The following SETDB1 variants were observed in gnomAD, a reference collection of about 807,000 sequenced individuals.
SETDB1 encodes SET domain bifurcated histone lysine methyltransferase 1, also known as histone-lysine N-methyltransferase SETDB1.
A neutral mutation model predicts 137.4 loss-of-function variants in SETDB1; 31 were observed. That is an observed-to-expected ratio of 0.23 (90% CI 0.17 to 0.30). The LOEUF is 0.30. Ranked by LOEUF, SETDB1 falls within the 10% of genes least tolerant of loss-of-function variation. The pLI is 1.00. For missense variants in SETDB1, 1,113 were observed against 1,631.5 expected, an observed-to-expected ratio of 0.68 and a Z score of 5.47; for synonymous variants, 548 against 579.9, an observed-to-expected ratio of 0.95 and a Z score of 0.79.
rs748786521 is a variant in SETDB1, at chr1:150,944,956, C to T, written c.988C>T (p.Arg330Cys). The T allele has an allele frequency of 1.9e-6, 3 of 1,613,880 alleles. No homozygotes were observed. Among genetic ancestry groups the T allele is most frequent in the Non-Finnish European group, 2.5e-6 (3 of 1,179,924 alleles). ...TWEDIEDISC[R>C]DFIEEYVTAY... ...GGAGGACATAGAAGACATCTCCTGCCGTGACTTCATAGAGGAGTATGTCAC... is the reference window on the plus strand; with the variant it reads ...GGAGGACATAGAAGACATCTCCTGCTGTGACTTCATAGAGGAGTATGTCAC... Residue 330 changes from arginine to cysteine, a missense_variant, in exon 9 of 22, where the codon CGT (arginine) becomes TGT (cysteine). Physicochemically the swap from Arg to Cys is radical, Grantham distance 180 (BLOSUM62 -3). This residue lies in a region of SETDB1 where 154 missense variants were observed against 303.1 expected (regional missense o/e 0.51). Transcript: ENST00000692827.
At position 150,964,540 on chromosome 1, in the gene SETDB1, A is replaced by C; in HGVS notation, c.*176A>C. 1.4e-6 allele frequency: 1 copy of C among 705,500 alleles called. No individual in the cohort carries two copies. The highest frequency in any genetic ancestry group is 1.7e-5 in the African/African-American group (1 of 57,308). 43.7% of individuals were successfully genotyped at this position (705,500 alleles called of 1,614,324 possible). On this transcript the variant is annotated 3_prime_UTR_variant, in exon 22 of 22. Transcript: ENST00000692827. ...TTCCAATGTGGTGCTAGCAGGCAGGATCCCTTCTCCACCTCCAAAGGCCCT... is the reference window on the plus strand; with the variant it reads ...TTCCAATGTGGTGCTAGCAGGCAGGCTCCCTTCTCCACCTCCAAAGGCCCT...
chr1:150,938,978 C>T (rs1408321693), intron 3 of SETDB1, among the ~76,000 whole-genome samples: 1 of 152,094 alleles, frequency 6.6e-6, no homozygotes, highest in African/African-American at 2.4e-5. Context: ...TCTTACGCTG[C>T]ACCAAGCTGG....
chr1:150,944,084 T>C, intron 8 of SETDB1, 91 bp downstream of exon 8: 1 of 931,154 alleles, frequency 1.1e-6, no homozygotes. Context: ...CTAGTGTTTT[T>C]GGTATTTCAG....
intron 12 of SETDB1, among the ~76,000 whole-genome samples, chr1:150,950,020 G>A (rs897170793): frequency 2.0e-5 from 3 of 152,126 alleles, no homozygotes; most frequent in African/African-American, 7.2e-5. Flanking sequence ...GATCACCTGA[G>A]GTCGGGAGTT....
Position 150,929,992 on chromosome 1 carries a change from G to A in SETDB1, c.286G>A (p.Val96Met). The A allele has an allele frequency of 6.2e-7, 1 of 1,613,800 alleles. No individual in the cohort carries two copies. The highest frequency in any genetic ancestry group is 8.5e-7 in the Non-Finnish European group (1 of 1,179,886). The change falls in exon 3 of 22, where the codon GTG becomes ATG. Residue 96 changes from valine to methionine, a missense_variant. Physicochemically the swap from Val to Met is conservative, Grantham distance 21. Around this residue, in one of 11 missense-constraint regions of SETDB1, gnomAD observed 159 missense variants for 188.6 expected, o/e 0.84. Coordinates refer to ENST00000692827, the MANE Select transcript of SETDB1 (RefSeq NM_001366418.1). ...GGCAGTGACTAATTGTGAGTCTTTG[G>A]TGAAGGACTTCTACTCCAAGCTGGG... ...SRAVTNCESL[V>M]KDFYSKLGLQ...
intron 3 of SETDB1, among the ~76,000 whole-genome samples, chr1:150,938,103 C>G (rs1670000846): frequency 6.6e-6 from 1 of 151,834 alleles, no homozygotes; most frequent in Non-Finnish European, 1.5e-5. Flanking sequence ...TGCCTGTAAC[C>G]CCAGCTACTC....
intron 19 of SETDB1, 89 bp downstream of exon 19, chr1:150,963,228 G>T: frequency 8.0e-7 from 1 of 1,245,704 alleles, no homozygotes; most frequent in Non-Finnish European, 1.1e-6. Context: ...GAAGTAGTGG[G>T]TAAAAATTCA....
chr1:150,963,848 AG>A (rs2102759146), intron 20 of SETDB1, 107 bp downstream of exon 20: 2 of 1,314,946 alleles, frequency 1.5e-6, no homozygotes, highest in South Asian at 2.4e-5. Context: ...TTGATCTCAA[AG>A]GATCTTAAAG....
intron 3 of SETDB1, among the ~76,000 whole-genome samples, chr1:150,930,936 C>CA (rs1418234896): frequency 5.3e-5 from 8 of 152,146 alleles, no homozygotes; most frequent in East Asian, 1.9e-4. Context: ...TTATTGTACT[C>CA]ACTAAAACCT....
rs1670921292 is a variant in SETDB1 at position 150,964,334 on chromosome 1, G to A, written c.3849G>A (p.Gly1283=). ...GCAAGGAGCTACTCTGTTGCTGTGG[G>A]GCCATTGAATGCAGAGGACGTCTTC... ...VEGKELLCCC[G]AIECRGRLL is the part of the protein sequence containing the mutation. Residue 1283 remains glycine, a synonymous_variant, in exon 22 of 22, where the codon GGG becomes GGA. Coordinates refer to ENST00000692827, the MANE Select transcript of SETDB1 (RefSeq NM_001366418.1). 6.2e-7 allele frequency: 1 copy of A among 1,613,878 alleles called. No homozygotes were observed. Among genetic ancestry groups the A allele is most frequent in the African/African-American group, 1.3e-5 (1 of 74,922 alleles).
chr1:150,957,779 C>T (rs1474780972), intron 14 of SETDB1, among the ~76,000 whole-genome samples: 3 of 152,178 alleles, frequency 2.0e-5, no homozygotes, highest in African/African-American at 7.2e-5. Context: ...TCATAGCTCA[C>T]TGAAACCTCG....
chr1:150,933,216 C>T lies in SETDB1; in HGVS notation c.412+3098C>T, dbSNP rs1055903648. 4.0e-5 allele frequency among the ~76,000 whole-genome samples: 6 copies of T among 151,884 alleles called. No homozygotes were observed. The South Asian group carries it at 1.2e-3, about 32-fold the overall frequency. Reference sequence around the variant, plus strand: ...CTGGAACTAAAAGTACATGCCGCCACGCCCAGCTAACTTTTTTTTTTGTAG... The same window carrying T: ...CTGGAACTAAAAGTACATGCCGCCATGCCCAGCTAACTTTTTTTTTTGTAG... On this transcript the variant is annotated intron_variant, in intron 3 of 21. Transcript: ENST00000692827.
In SETDB1 at chr1:150,960,905, A is replaced by G. The variant is rs1670796362; in HGVS notation, c.2846A>G (p.His949Arg). Reference sequence around the variant, plus strand: ...TCTGAGACAACTTCCAAGGACTCCCACCCCCCAGATCTTGGACCCCCACAT... The same window carrying G: ...TCTGAGACAACTTCCAAGGACTCCCGCCCCCCAGATCTTGGACCCCCACAT... Reference protein sequence around the residue: ...GLSETTSKDSHPPDLGPPHIP... With the variant: ...GLSETTSKDSRPPDLGPPHIP... Residue 949 changes from histidine (H) to arginine (R), a missense_variant, in exon 16 of 22, where the codon CAC becomes CGC. By Grantham distance (29) the His-to-Arg change is conservative. This residue lies in a region of SETDB1 where 373 missense variants were observed against 412.7 expected (regional missense o/e 0.90). Transcript: ENST00000692827. 6.3e-7 allele frequency: 1 copy of G among 1,581,334 alleles called. No individual in the cohort carries two copies. The highest frequency in any genetic ancestry group is 8.7e-7 in the Non-Finnish European group (1 of 1,151,072).
chr1:150,942,064 C>T (rs587645185), intron 5 of SETDB1, among the ~76,000 whole-genome samples: 6 of 150,886 alleles, frequency 4.0e-5, no homozygotes, highest in East Asian at 3.9e-4. Context: ...CGCTTGAACC[C>T]GGAAGGTGAA....
At position 150,960,618 on chromosome 1, in the gene SETDB1, G is replaced by A; in HGVS notation, c.2559G>A (p.Glu853=). ...AGGAGGGTCTGGAAATGGGTGATGA[G>A]TACTTTGCAAATCTGGACCATATCG... The part of the protein sequence containing the change: ...ADKEGLEMGD[E]YFANLDHIES... Residue 853 remains glutamate, a synonymous_variant, in exon 16 of 22, where the codon GAG becomes GAA. Transcript: ENST00000692827. The A allele has an allele frequency of 6.2e-7, 1 of 1,614,000 alleles. No individual in the cohort carries two copies. Among genetic ancestry groups the A allele is most frequent in the Admixed American group, 1.7e-5 (1 of 59,988 alleles).
chr1:150,926,308 C>A, upstream of SETDB1: 1 of 192,204 alleles, frequency 5.2e-6, no homozygotes, highest in Non-Finnish European at 1.1e-5. Flanking sequence ...TGGATTTGAC[C>A]CCGTCAGGCT....
At chr1:150,953,626 C>A (rs1326947803) in intron 14 of SETDB1, among the ~76,000 whole-genome samples, 1 of 151,828 alleles carries the variant, frequency 6.6e-6, no homozygotes, top group Admixed American at 6.6e-5. Flanking sequence ...GTCAGGAGTT[C>A]AAGAACAGCC....
chr1:150,941,653 C>T (rs998487121), intron 5 of SETDB1, among the ~76,000 whole-genome samples: 1 of 152,116 alleles, frequency 6.6e-6, no homozygotes, highest in African/African-American at 2.4e-5. Flanking sequence ...ATGACTGCTT[C>T]CAGGTGGAGA....
In SETDB1 at chr1:150,944,937, C is replaced by A; in HGVS notation, c.969C>A (p.Asp323Glu). ...AAACAGTGAAAAAGACTTGGGAGGA[C>A]ATAGAAGACATCTCCTGCCGTGACT... ...ICRPLKKTWE[D>E]IEDISCRDFI... Residue 323 changes from aspartate (D) to glutamate (E), a missense_variant, in exon 9 of 22, where the codon GAC (aspartate) becomes GAA (glutamate). Asp to Glu is a conservative substitution (Grantham distance 45). This residue lies in a region of SETDB1 where 154 missense variants were observed against 303.1 expected (regional missense o/e 0.51). Transcript: ENST00000692827. 1 of 1,614,070 alleles carries A rather than the reference C, an allele frequency of 6.2e-7. No homozygotes were observed. Among genetic ancestry groups the A allele is most frequent in the Non-Finnish European group, 8.5e-7 (1 of 1,179,996 alleles).
Sources: gnomAD v4.1 joint callset for allele counts (sites outside exome capture counted in the v4.1 genomes callset) on GRCh38, gnomAD v4.1.1 for gene constraint, gnomAD v4.1.1 regional missense constraint, MANE v1.5 for transcripts, NCBI Gene and HGNC (gene_info 2026-07-23, HGNC 2026-07-21) for gene names.